Variants in ZEB1 observed in about 807,000 individuals in gnomAD.
ZEB1 encodes zinc finger E-box-binding homeobox 1.
Under a neutral mutation model 84.9 loss-of-function variants are expected in ZEB1, and 21 were observed. The ratio of observed to expected loss-of-function variants is 0.25; its 90% CI spans 0.18 to 0.36. The LOEUF (loss-of-function observed/expected upper bound fraction) is 0.36. ZEB1 is among the 10% of genes least tolerant of loss of function. The pLI, the probability that ZEB1 is intolerant of heterozygous loss-of-function variation, is 1.00. For missense variants in ZEB1, 1,104 were observed against 1,330.2 expected, an observed-to-expected ratio of 0.83 and a Z score of 2.65; for synonymous variants, 420 against 471.1, an observed-to-expected ratio of 0.89 and a Z score of 1.41.
At chr10:31,444,718 A>T (rs986479650) in intron 1 of ZEB1, among the ~76,000 whole-genome samples, 2 of 152,006 alleles carry the variant, frequency 1.3e-5, no homozygotes, top group African/African-American at 4.8e-5. Context: ...AAGATCAGAT[A>T]GTCGTAGGTA....
Position 31,481,283 on chromosome 10 carries a change from G to T in ZEB1, c.260-14493G>T, listed in dbSNP as rs112056179. Among the ~76,000 whole-genome samples, 26 of 152,026 alleles carry T rather than the reference G, an allele frequency of 1.7e-4. 1 individual carries two copies. Among genetic ancestry groups the T allele is most frequent in the African/African-American group, 6.3e-4 (26 of 41,476 alleles). Reference sequence around the variant, plus strand: ...AACAGATAAATATGAAAATATAGATGGGGTATGTTAGTGTACATACATATA... The same window carrying T: ...AACAGATAAATATGAAAATATAGATTGGGTATGTTAGTGTACATACATATA... On this transcript the variant is annotated intron_variant, in intron 2 of 8. Coordinates refer to ENST00000424869, the MANE Select transcript of ZEB1 (RefSeq NM_001174096.2).
intron 1 of ZEB1, among the ~76,000 whole-genome samples, chr10:31,380,899 C>T (rs1241953755): frequency 6.6e-6 from 1 of 152,238 alleles, no homozygotes; most frequent in East Asian, 1.9e-4. Flanking sequence ...ATGTAGTCAA[C>T]ATATATACAG....
At chr10:31,376,740 T>C (rs1590545785) in intron 1 of ZEB1, among the ~76,000 whole-genome samples, 1 of 151,626 alleles carries the variant, frequency 6.6e-6, no homozygotes, top group African/African-American at 2.4e-5. Context: ...TGGAAAAATA[T>C]ATTATTTGAT....
At chr10:31,417,932 ATATAG>A (rs1420528263) in intron 1 of ZEB1, among the ~76,000 whole-genome samples, 1 of 152,056 alleles carries the variant, frequency 6.6e-6, no homozygotes, top group African/African-American at 2.4e-5. Context: ...GACATCCCTA[ATATAG>A]TATAAGTTCT....
chr10:31,400,236 T>C (rs2051695269), intron 1 of ZEB1, among the ~76,000 whole-genome samples: 1 of 152,162 alleles, frequency 6.6e-6, no homozygotes, highest in Non-Finnish European at 1.5e-5. Context: ...AGAAATATAG[T>C]GTTTGGCCCA....
At chr10:31,434,677 AACACTTG>A (rs1467145791) in intron 1 of ZEB1, among the ~76,000 whole-genome samples, 1 of 152,212 alleles carries the variant, frequency 6.6e-6, no homozygotes, top group East Asian at 1.9e-4. Flanking sequence ...CAGAACACTG[AACACTTG>A]ACCAAAGACC....
chr10:31,426,789 T>C (rs1292188100), intron 1 of ZEB1, among the ~76,000 whole-genome samples: 2 of 152,210 alleles, frequency 1.3e-5, no homozygotes, highest in Non-Finnish European at 2.9e-5. Context: ...CAAGATTATA[T>C]AACATAGATC....
intron 1 of ZEB1, among the ~76,000 whole-genome samples, chr10:31,349,262 G>C (rs1331913955): frequency 6.6e-6 from 1 of 152,144 alleles, no homozygotes; most frequent in African/African-American, 2.4e-5. Context: ...TCTTCTCTTT[G>C]AAGGAAGAAT....
At chr10:31,516,143 A>T (rs902104845) in intron 6 of ZEB1, among the ~76,000 whole-genome samples, 7 of 152,082 alleles carry the variant, frequency 4.6e-5, no homozygotes, top group Non-Finnish European at 8.8e-5. Flanking sequence ...GGTATTTAAA[A>T]ATCAGTCTCA....
At chr10:31,394,735 G>A (rs563085133) in intron 1 of ZEB1, among the ~76,000 whole-genome samples, 27 of 152,164 alleles carry the variant, frequency 1.8e-4, no homozygotes, top group Non-Finnish European at 3.2e-4. Flanking sequence ...ATAATGTTCC[G>A]TCATATGCAT....
chr10:31,331,681 G>C (rs2036823049), intron 1 of ZEB1, among the ~76,000 whole-genome samples: 1 of 152,196 alleles, frequency 6.6e-6, no homozygotes, highest in African/African-American at 2.4e-5. Context: ...CTTAAAGTAT[G>C]TGTGTGGGTT....
intron 2 of ZEB1, among the ~76,000 whole-genome samples, chr10:31,481,579 C>T (rs1370034639): frequency 6.6e-6 from 1 of 151,868 alleles, no homozygotes; most frequent in African/African-American, 2.4e-5. Flanking sequence ...ATCCCAACTA[C>T]TCGGGAGGCT....
intron 4 of ZEB1, among the ~76,000 whole-genome samples, chr10:31,504,732 C>G (rs892016550): frequency 6.6e-6 from 1 of 151,810 alleles, no homozygotes; most frequent in African/African-American, 2.4e-5. Context: ...ATGAGATGGT[C>G]TTCTTGATTT....
At chr10:31,330,481 G>GTGTTGTCTTCAAGGTT (rs2036509078) in intron 1 of ZEB1, among the ~76,000 whole-genome samples, 1 of 152,182 alleles carries the variant, frequency 6.6e-6, no homozygotes, top group South Asian at 2.1e-4. Context: ...GGGAATGCGA[G>GTGTTGTCTTCAAGGTT]TGTTGTCTTC....
intron 1 of ZEB1, among the ~76,000 whole-genome samples, chr10:31,454,419 A>T (rs1258976852): frequency 6.6e-6 from 1 of 152,124 alleles, no homozygotes; most frequent in Non-Finnish European, 1.5e-5. Flanking sequence ...CAGGGCAGAG[A>T]CTTGGCATGC....
chr10:31,377,661 T>C (rs1174661079), intron 1 of ZEB1, among the ~76,000 whole-genome samples: 1 of 151,872 alleles, frequency 6.6e-6, no homozygotes, highest in East Asian at 1.9e-4. Flanking sequence ...CTAGTGTTTC[T>C]GCATCACTTT....
Position 31,380,050 on chromosome 10 carries a change from G to A in ZEB1, c.58+60758G>A, listed in dbSNP as rs368023538. 2.5e-4 allele frequency among the ~76,000 whole-genome samples: 38 copies of A among 151,974 alleles called. No homozygotes were observed. The East Asian group carries it at 5.6e-3, about 22-fold the overall frequency. On this transcript the variant is annotated intron_variant, in intron 1 of 8. Transcript: ENST00000424869. ...TTTAACTGAAAAATGTCCTTTTTAC[G>A]TTTAGATTGTTCTTTCAGAATCCAA... is the stretch of plus-strand genomic sequence containing the variant.
chr10:31,500,546 T>G (rs957979880), intron 3 of ZEB1, among the ~76,000 whole-genome samples: 3 of 152,200 alleles, frequency 2.0e-5, no homozygotes, highest in African/African-American at 7.2e-5. Context: ...CTATAGTGAT[T>G]CTCTGTTGCC....
chr10:31,464,731 A>G (rs1296010925), intron 2 of ZEB1, among the ~76,000 whole-genome samples: 1 of 152,232 alleles, frequency 6.6e-6, no homozygotes, highest in Non-Finnish European at 1.5e-5. Context: ...TGATATATTC[A>G]AAGTGCCAAA....
Sources: gnomAD v4.1 joint callset for allele counts (sites outside exome capture counted in the v4.1 genomes callset) on GRCh38, gnomAD v4.1.1 for gene constraint, MANE v1.5 for transcripts, NCBI Gene and HGNC (gene_info 2026-07-23, HGNC 2026-07-21) for gene names.